The following SIL1 variants were observed in gnomAD, a reference collection of about 807,000 sequenced individuals.
SIL1 encodes the protein SIL1 nucleotide exchange factor.
SIL1 carries 40 observed loss-of-function variants against 49.1 expected under a neutral mutation model. The ratio of observed to expected loss-of-function variants is 0.81; its 90% CI spans 0.63 to 1.06. The LOEUF (loss-of-function observed/expected upper bound fraction) is 1.06. SIL1 is among the 50% of genes least tolerant of loss of function. The pLI is 0.00. For synonymous variants in SIL1, 253 were observed against 250.8 expected (o/e 1.01, Z -0.08); for missense variants, 500 against 572.6 (o/e 0.87, Z 1.29).
At chr5:139,055,165 C>T (rs4574538) in intron 3 of SIL1, among the ~76,000 whole-genome samples, 6 of 152,024 alleles carry the variant, frequency 3.9e-5, no homozygotes, top group Non-Finnish European at 5.9e-5. Flanking sequence ...CCTCCAGCTC[C>T]TTCAGAGCTG....
intron 1 of SIL1, among the ~76,000 whole-genome samples, chr5:139,147,835 T>G (rs1751222265): frequency 6.6e-6 from 1 of 152,170 alleles, no homozygotes; most frequent in Admixed American, 6.5e-5. Context: ...ATTAGTTGCT[T>G]AATTAAATTC....
chr5:138,986,550 C>G (rs114759873), intron 7 of SIL1, among the ~76,000 whole-genome samples: 3,483 of 152,264 alleles, frequency 0.023, 120 homozygotes, highest in African/African-American at 0.079. Flanking sequence ...TATTGTGACC[C>G]TTTCCTCTCC....
intron 3 of SIL1, among the ~76,000 whole-genome samples, chr5:139,095,619 C>T (rs1402402217): frequency 6.6e-6 from 1 of 152,112 alleles, no homozygotes; most frequent in Admixed American, 6.5e-5. Context: ...CAGTGGCTCA[C>T]GCCTGTAATC....
chr5:139,122,594 CAA>C (rs35550881), intron 2 of SIL1, among the ~76,000 whole-genome samples: 24 of 136,326 alleles, frequency 1.8e-4, no homozygotes, highest in Admixed American at 3.0e-4. Context: ...GACCCTGTCT[CAA>C]AAAAAAAAAA....
intron 7 of SIL1, among the ~76,000 whole-genome samples, chr5:139,013,333 T>C (rs1768326704): frequency 6.6e-6 from 1 of 152,226 alleles, no homozygotes; most frequent in Non-Finnish European, 1.5e-5. Context: ...TTTTTCTCCC[T>C]TCCACTCAAA....
chr5:138,947,172 C>T lies in SIL1; in HGVS notation c.1331G>A (p.Gly444Asp). The T allele has an allele frequency of 6.2e-7, 1 of 1,613,628 alleles. No individual in the cohort carries two copies. The highest frequency in any genetic ancestry group is 8.5e-7 in the Non-Finnish European group (1 of 1,179,900). ...AGAGCCCAGCAGCTCCTGGAAGTAG[C>T]CCTCGTCCTCACCATCCTGCAGCTC... ...SLELQDGEDE[G>D]YFQELLGSVN... The change falls in exon 10 of 10, where the codon GGC becomes GAC. Residue 444 changes from glycine (G) to aspartate (D), a missense_variant. By Grantham distance (94) the Gly-to-Asp change is moderately conservative. Coordinates refer to ENST00000394817, the MANE Select transcript of SIL1 (RefSeq NM_022464.5). This position sits in a 1 kb window ranked among gnomAD's most constrained non-coding sequence, Gnocchi z 4.1.
chr5:139,015,809 A>G (rs1365366640), intron 7 of SIL1, among the ~76,000 whole-genome samples: 1 of 152,218 alleles, frequency 6.6e-6, no homozygotes, highest in Non-Finnish European at 1.5e-5. Flanking sequence ...ACACATCCAT[A>G]GAGAATGGGA....
chr5:139,043,844 GA>G (rs1769097459), intron 4 of SIL1, among the ~76,000 whole-genome samples: 1 of 152,336 alleles, frequency 6.6e-6, no homozygotes, highest in East Asian at 1.9e-4. Context: ...GTGGAGTATG[GA>G]ATGTGCTTAA....
chr5:139,077,549 T>A (rs1246878173), intron 3 of SIL1, among the ~76,000 whole-genome samples: 3 of 152,292 alleles, frequency 2.0e-5, no homozygotes, highest in South Asian at 2.1e-4. Context: ...AACTGACTGT[T>A]TAACCCCCTT....
chr5:138,948,222 C>A lies in SIL1; in HGVS notation c.1030-749G>T, dbSNP rs993872669. 1.3e-5 allele frequency among the ~76,000 whole-genome samples: 2 copies of A among 152,148 alleles called. No individual in the cohort carries two copies. The highest frequency in any genetic ancestry group is 2.9e-5 in the Non-Finnish European group (2 of 68,018). ...AGTGGACCACCTGTGCTTCCTGCGG[C>A]AGCAGGAAGTCGTGGGGCTGATTGG... On this transcript the variant is annotated intron_variant, in intron 9 of 9. Transcript: ENST00000394817. The surrounding 1 kb of genome is among the most constrained non-coding windows in gnomAD (Gnocchi z 4.8).
intron 3 of SIL1, among the ~76,000 whole-genome samples, chr5:139,052,389 A>G (rs1306529912): frequency 6.6e-6 from 1 of 152,160 alleles, no homozygotes; most frequent in African/African-American, 2.4e-5. Context: ...AACCCCAACC[A>G]TTATTTTCAA....
At chr5:138,960,308 T>C (rs1211582587) in intron 7 of SIL1, among the ~76,000 whole-genome samples, 1 of 152,160 alleles carries the variant, frequency 6.6e-6, no homozygotes, top group Non-Finnish European at 1.5e-5. Context: ...CACAAGCTCT[T>C]TGGCACATCA....
intron 7 of SIL1, among the ~76,000 whole-genome samples, chr5:138,953,696 G>A (rs1422338319): frequency 4.6e-5 from 7 of 152,052 alleles, no homozygotes; most frequent in East Asian, 1.9e-4. Flanking sequence ...TGCCCCCCAC[G>A]ACTTGAGACA....
chr5:139,121,865 T>C (rs943112611), intron 2 of SIL1, among the ~76,000 whole-genome samples: 1 of 152,166 alleles, frequency 6.6e-6, no homozygotes, highest in African/African-American at 2.4e-5. Context: ...TGAGATGGTG[T>C]CTCTGGAGCA....
chr5:139,096,658 C>T (rs910668209), intron 3 of SIL1, among the ~76,000 whole-genome samples: 3 of 151,884 alleles, frequency 2.0e-5, no homozygotes, highest in African/African-American at 7.3e-5. Flanking sequence ...TGTGAGGCAC[C>T]TGTTCTAGGC....
chr5:138,995,812 T>C (rs1023924496), intron 7 of SIL1, among the ~76,000 whole-genome samples: 3 of 152,232 alleles, frequency 2.0e-5, no homozygotes, highest in African/African-American at 4.8e-5. Flanking sequence ...GAACATGTGA[T>C]ATTTGTCTTT....
intron 4 of SIL1, among the ~76,000 whole-genome samples, chr5:139,044,519 CT>C (rs1769109935): frequency 6.6e-6 from 1 of 152,198 alleles, no homozygotes; most frequent in South Asian, 2.1e-4. Flanking sequence ...AAACAGTCAT[CT>C]GGTGTTCTTA....
chr5:139,099,407 C>T, intron 3 of SIL1, among the ~76,000 whole-genome samples: 1 of 152,146 alleles, frequency 6.6e-6, no homozygotes, highest in African/African-American at 2.4e-5. Context: ...ACCATATGAT[C>T]CAGCAATTCC....
intron 7 of SIL1, among the ~76,000 whole-genome samples, chr5:138,959,344 T>A (rs1424304112): frequency 6.6e-6 from 1 of 152,250 alleles, no homozygotes. Context: ...TTATCCAGTA[T>A]AGCATCTCTG....
Sources: allele counts gnomAD v4.1 joint callset (sites outside exome capture counted in the v4.1 genomes callset), GRCh38; gene constraint gnomAD v4.1.1; non-coding constraint Gnocchi (gnomAD v3.1); transcripts MANE v1.5; gene names NCBI Gene and HGNC (gene_info 2026-07-23, HGNC 2026-07-21).